Variants in MAP4K4 observed in about 807,000 individuals in gnomAD.
MAP4K4 encodes the protein HPK/GCK-like kinase HGK.
MAP4K4 carries 38 observed loss-of-function variants against 189.6 expected under a neutral mutation model. That is an observed-to-expected ratio of 0.20 (90% CI 0.15 to 0.26). The LOEUF is 0.26. Among genes scored for constraint, MAP4K4 ranks in the 10% least tolerant of loss-of-function variants. The pLI is 1.00. For missense variants in MAP4K4, 1,054 were observed against 1,726.9 expected, an observed-to-expected ratio of 0.61 and a Z score of 6.91; for synonymous variants, 610 against 624.3, an observed-to-expected ratio of 0.98 and a Z score of 0.34.
At chr2:101,842,203 A>T (rs2096939226) in intron 10 of MAP4K4, among the ~76,000 whole-genome samples, 1 of 152,030 alleles carries the variant, frequency 6.6e-6, no homozygotes, top group African/African-American at 2.4e-5. Flanking sequence ...CACCAAGTAA[A>T]TTCTCTTGGT....
In MAP4K4 at chr2:101,885,923, C is replaced by T. The variant is rs113665183; in HGVS notation, c.3621+636C>T. The stretch of plus-strand genomic sequence containing the variant: ...TTTCATTTGTGAGTTCACAAAAATA[C>T]TCATGAAATTTACAAATATACCTCA... On this transcript the variant is annotated intron_variant, in intron 29 of 32. Transcript: ENST00000324219. Among the ~76,000 whole-genome samples the T allele has an allele frequency of 4.2e-3, 641 of 152,228 alleles. 4 individuals carry two copies. Among genetic ancestry groups the T allele is most frequent in the African/African-American group, 0.015 (613 of 41,536 alleles).
chr2:101,735,034 A>G (rs2059824862), intron 2 of MAP4K4, among the ~76,000 whole-genome samples: 1 of 151,498 alleles, frequency 6.6e-6, no homozygotes, highest in African/African-American at 2.5e-5. Flanking sequence ...AAATTGTACT[A>G]CCTCGCCTCT....
intron 3 of MAP4K4, among the ~76,000 whole-genome samples, chr2:101,803,035 C>A (rs1189379824): frequency 6.6e-6 from 1 of 152,246 alleles, no homozygotes; most frequent in Non-Finnish European, 1.5e-5. Flanking sequence ...ATCCGCCCAC[C>A]TCAGCCTCCC....
Position 101,768,176 on chromosome 2 carries a change from G to T in MAP4K4, c.124-22544G>T, listed in dbSNP as rs2079536257. ...AATATTTTAATATATAATGAATTGG[G>T]GGCACTAAAGTGACTTAAAAATTTG... On this transcript the variant is annotated intron_variant, in intron 2 of 32. Coordinates refer to ENST00000324219, the Ensembl canonical transcript of MAP4K4. Among the ~76,000 whole-genome samples, 3 of 152,042 alleles carry T rather than the reference G, an allele frequency of 2.0e-5. No individual in the cohort carries two copies. In the South Asian group the frequency reaches 6.2e-4, roughly 32 times the overall value.
At chr2:101,760,334 C>T (rs1400754090) in intron 2 of MAP4K4, among the ~76,000 whole-genome samples, 2 of 151,526 alleles carry the variant, frequency 1.3e-5, no homozygotes, top group Admixed American at 1.3e-4. Context: ...ACTAAAAATA[C>T]AAAAATTAGC....
At chr2:101,869,959 G>A (rs1007790965) in intron 22 of MAP4K4, 162 bp downstream of exon 22, 7 of 904,688 alleles carry the variant, frequency 7.7e-6, no homozygotes, top group South Asian at 3.7e-5. Flanking sequence ...CCTTCTCTTC[G>A]TTGGTGTGTG....
intron 3 of MAP4K4, among the ~76,000 whole-genome samples, chr2:101,819,037 A>C (rs2095878917): frequency 6.6e-6 from 1 of 151,982 alleles, no homozygotes; most frequent in African/African-American, 2.4e-5. Context: ...AGTAGTTTGG[A>C]CTCTGCCTGG....
At chr2:101,726,355 G>T (rs56380826) in intron 2 of MAP4K4, among the ~76,000 whole-genome samples, 1 of 152,162 alleles carries the variant, frequency 6.6e-6, no homozygotes, top group South Asian at 2.1e-4. Context: ...AGGCTAAGTG[G>T]TCTGTCATGG....
At chr2:101,846,341 A>T (rs529296586) in intron 12 of MAP4K4, among the ~76,000 whole-genome samples, 1 of 152,302 alleles carries the variant, frequency 6.6e-6, no homozygotes, top group Non-Finnish European at 1.5e-5. Flanking sequence ...TGTTTCTTGA[A>T]GTGGTGTTTT....
At chr2:101,786,524 A>ATGATGT (rs1323121153) in intron 2 of MAP4K4, among the ~76,000 whole-genome samples, 2 of 152,252 alleles carry the variant, frequency 1.3e-5, no homozygotes, top group African/African-American at 2.4e-5. Flanking sequence ...GCTACGTGAA[A>ATGATGT]TGATGTTGAT....
At chr2:101,860,005 A>G in intron 15 of MAP4K4, 141 bp downstream of exon 15, 1 of 907,906 alleles carries the variant, frequency 1.1e-6, no homozygotes. Flanking sequence ...TAGGAAATTG[A>G]ATTTCAGAGG....
chr2:101,775,851 A>G (rs191373196), intron 2 of MAP4K4, among the ~76,000 whole-genome samples: 1 of 152,190 alleles, frequency 6.6e-6, no homozygotes, highest in East Asian at 1.9e-4. Flanking sequence ...GAACAGAGTC[A>G]GGGTGCTTGT....
intron 7 of MAP4K4, among the ~76,000 whole-genome samples, chr2:101,833,738 C>T (rs939093554): frequency 2.0e-5 from 3 of 151,900 alleles, no homozygotes; most frequent in Admixed American, 2.0e-4. Flanking sequence ...TTTCATGGAA[C>T]TTATATTTGA....
intron 2 of MAP4K4, among the ~76,000 whole-genome samples, chr2:101,784,284 GTGTA>G (rs1250321320): frequency 3.1e-4 from 43 of 140,352 alleles, no homozygotes; most frequent in East Asian, 2.2e-3. Context: ...GTGTGTGTGT[GTGTA>G]TGTGTGTGTG....
exon 33 of MAP4K4, chr2:101,893,317 T>C (rs759924187): frequency 3.1e-5 from 14 of 454,772 alleles, no homozygotes; most frequent in Non-Finnish European, 5.7e-5. Flanking sequence ...GGATGTTTCA[T>C]TTGTATGAGT....
chr2:101,779,648 T>C (rs1359484526), intron 2 of MAP4K4, among the ~76,000 whole-genome samples: 1 of 152,152 alleles, frequency 6.6e-6, no homozygotes, highest in Non-Finnish European at 1.5e-5. Context: ...CTTTTAATTT[T>C]GTCAAGATAA....
At chr2:101,744,392 A>G (rs894014235) in intron 2 of MAP4K4, among the ~76,000 whole-genome samples, 1 of 152,204 alleles carries the variant, frequency 6.6e-6, no homozygotes, top group Non-Finnish European at 1.5e-5. Flanking sequence ...ATCATTGTCC[A>G]AGTGCCCACT....
intron 12 of MAP4K4, among the ~76,000 whole-genome samples, chr2:101,847,782 G>A (rs558191800): frequency 1.3e-5 from 2 of 152,320 alleles, no homozygotes; most frequent in Admixed American, 1.3e-4. Context: ...TGAATGCACA[G>A]TGTTTATGAA....
chr2:101,819,363 T>C (rs1273723521), intron 3 of MAP4K4, among the ~76,000 whole-genome samples: 1 of 152,226 alleles, frequency 6.6e-6, no homozygotes. Context: ...TAAGCATTAG[T>C]CATAATTAGA....
Sources: gnomAD v4.1 joint callset for allele counts (sites outside exome capture counted in the v4.1 genomes callset) on GRCh38, gnomAD v4.1.1 for gene constraint, MANE v1.5 for transcripts, NCBI Gene and HGNC (gene_info 2026-07-23, HGNC 2026-07-21) for gene names.